Variants in HNF1B observed in about 807,000 individuals in gnomAD.
The protein encoded by HNF1B is hepatocyte nuclear factor 1-beta.
Under a neutral mutation model 61.7 loss-of-function variants are expected in HNF1B, and 8 were observed. That is an observed-to-expected ratio of 0.13 (90% CI 0.08 to 0.23). The LOEUF is 0.23. Ranked by LOEUF, HNF1B falls within the 10% of genes least tolerant of loss-of-function variation. The pLI is 1.00. For synonymous variants in HNF1B, 314 were observed against 287.7 expected (o/e 1.09, Z -0.93); for missense variants, 562 against 714.5 (o/e 0.79, Z 2.43).
intron 8 of HNF1B, among the ~76,000 whole-genome samples, chr17:37,689,677 A>G (rs1191274086): frequency 6.6e-6 from 1 of 152,238 alleles, no homozygotes; most frequent in Non-Finnish European, 1.5e-5. Flanking sequence ...TCCGTCTGAA[A>G]GGTGTGGTAG....
At chr17:37,723,280 G>A (rs570724265) in intron 4 of HNF1B, among the ~76,000 whole-genome samples, 1 of 151,996 alleles carries the variant, frequency 6.6e-6, no homozygotes, top group Non-Finnish European at 1.5e-5. Context: ...CCGGGAGGCG[G>A]AGCTTGCAGT....
intron 5 of HNF1B, among the ~76,000 whole-genome samples, chr17:37,708,445 A>G (rs1211939159): frequency 6.6e-6 from 1 of 152,208 alleles, no homozygotes; most frequent in Admixed American, 6.5e-5. Flanking sequence ...GCGTGTCCAC[A>G]GGCTGCATTT....
At chr17:37,742,127 G>A (rs979751413) in intron 1 of HNF1B, among the ~76,000 whole-genome samples, 6 of 152,222 alleles carry the variant, frequency 3.9e-5, no homozygotes, top group Non-Finnish European at 8.8e-5. Flanking sequence ...GCGCCCGCAG[G>A]GTCCGTCCCG....
chr17:37,738,151 GTTGC>G (rs970511967), intron 2 of HNF1B, among the ~76,000 whole-genome samples: 5 of 152,220 alleles, frequency 3.3e-5, no homozygotes, highest in African/African-American at 1.2e-4. Flanking sequence ...ACTACAGAGA[GTTGC>G]TTCATGTCAG....
At chr17:37,689,438 A>G (rs1416521425) in intron 8 of HNF1B, among the ~76,000 whole-genome samples, 1 of 152,252 alleles carries the variant, frequency 6.6e-6, no homozygotes, top group African/African-American at 2.4e-5. Flanking sequence ...GTGAGATTCT[A>G]TGGCCTGTCA....
chr17:37,722,012 A>G (rs530456185), intron 4 of HNF1B, among the ~76,000 whole-genome samples: 153 of 152,126 alleles, frequency 1.0e-3, no homozygotes, highest in Non-Finnish European at 1.6e-3. Flanking sequence ...TCATCTCTCA[A>G]TTCTGACTCC....
At chr17:37,741,090 G>T (rs2033978542) in intron 1 of HNF1B, among the ~76,000 whole-genome samples, 1 of 151,092 alleles carries the variant, frequency 6.6e-6, no homozygotes, top group Non-Finnish European at 1.5e-5. Flanking sequence ...GATAGAACAA[G>T]AAAAAAAACG....
intron 4 of HNF1B, among the ~76,000 whole-genome samples, chr17:37,727,463 G>A (rs1018042588): frequency 4.6e-5 from 7 of 152,190 alleles, no homozygotes; most frequent in Admixed American, 6.5e-5. Context: ...GCCCAGCAGC[G>A]GCAGCCAGGC....
chr17:37,723,404 C>T (rs1288560560), intron 4 of HNF1B, among the ~76,000 whole-genome samples: 1 of 152,086 alleles, frequency 6.6e-6, no homozygotes, highest in Non-Finnish European at 1.5e-5. Context: ...ACAGGAAATT[C>T]ATGGTCATCT....
At chr17:37,712,187 T>C (rs1012343326) in intron 4 of HNF1B, among the ~76,000 whole-genome samples, 1 of 152,242 alleles carries the variant, frequency 6.6e-6, no homozygotes, top group African/African-American at 2.4e-5. Flanking sequence ...AGCTTTTCTA[T>C]TGGCCATTTT....
chr17:37,715,565 T>A (rs796452634), intron 4 of HNF1B, among the ~76,000 whole-genome samples: 38 of 152,304 alleles, frequency 2.5e-4, no homozygotes, highest in African/African-American at 8.9e-4. Context: ...TGCTCCTGTG[T>A]GTACATATGC....
intron 6 of HNF1B, among the ~76,000 whole-genome samples, chr17:37,703,161 T>C (rs1477545329): frequency 3.9e-5 from 6 of 152,182 alleles, no homozygotes; most frequent in Non-Finnish European, 8.8e-5. Context: ...TAACACTCCA[T>C]AGTGTAGGAC....
Position 37,701,005 on chromosome 17 carries a change from C to T in HNF1B, c.1512G>A (p.Val504=), listed in dbSNP as rs544838322. The change falls in exon 7 of 9, where the codon GTG becomes GTA. Residue 504 remains valine (V), a synonymous_variant. Coordinates refer to ENST00000617811, the MANE Select transcript of HNF1B (RefSeq NM_000458.4). ...HMAQQPFMAA[V]TQLQNSHMYA... is the part of the protein sequence containing the mutation. ...TACTGTGTGAGTTCTGCAGCTGAGTCACAGCTGCCATGAAGGGCTGCTGGG... is the reference window on the plus strand; with the variant it reads ...TACTGTGTGAGTTCTGCAGCTGAGTTACAGCTGCCATGAAGGGCTGCTGGG... 4 of 1,557,318 alleles carry T rather than the reference C, an allele frequency of 2.6e-6. No individual in the cohort carries two copies. Among genetic ancestry groups the T allele is most frequent in the African/African-American group, 2.7e-5 (2 of 73,688 alleles).
At chr17:37,721,381 T>A (rs2033309334) in intron 4 of HNF1B, among the ~76,000 whole-genome samples, 1 of 152,042 alleles carries the variant, frequency 6.6e-6, no homozygotes, top group South Asian at 2.1e-4. Context: ...AATACCACAA[T>A]GGCAAGCCTC....
At chr17:37,722,899 C>T (rs2033363097) in intron 4 of HNF1B, among the ~76,000 whole-genome samples, 1 of 152,080 alleles carries the variant, frequency 6.6e-6, no homozygotes, top group African/African-American at 2.4e-5. Context: ...TTCTTAAATG[C>T]TCCTTCGCCT....
chr17:37,703,751 G>A (rs1466176918), intron 6 of HNF1B, among the ~76,000 whole-genome samples: 1 of 152,128 alleles, frequency 6.6e-6, no homozygotes, highest in African/African-American at 2.4e-5. Context: ...CAATTTCCAA[G>A]CAGCTAAGGA....
intron 4 of HNF1B, among the ~76,000 whole-genome samples, chr17:37,713,792 G>A (rs1158309190): frequency 6.6e-6 from 1 of 152,210 alleles, no homozygotes; most frequent in East Asian, 1.9e-4. Context: ...CCACCTGCAG[G>A]TGTTCCCACG....
chr17:37,744,771 G>A lies in HNF1B; in HGVS notation c.114C>T (p.Asn38=). ...GCAGCGTCTCCAGCTTCACCCCGAAGTTCGGGGATGGCAGCAACTCCTCCA... is the reference window on the plus strand; with the variant it reads ...GCAGCGTCTCCAGCTTCACCCCGAAATTCGGGGATGGCAGCAACTCCTCCA... ...QALEELLPSP[N]FGVKLETLPL... Residue 38 remains asparagine (N), a synonymous_variant, in exon 1 of 9, where the codon AAC becomes AAT. Transcript: ENST00000617811. The A allele has an allele frequency of 8.7e-6, 14 of 1,613,620 alleles. No homozygotes were observed. The highest frequency in any genetic ancestry group is 1.2e-5 in the Non-Finnish European group (14 of 1,180,034).
rs1411125492 is a variant in HNF1B at position 37,701,145 on chromosome 17, C to A, written c.1372G>T (p.Val458Phe). The A allele has an allele frequency of 1.3e-6, 2 of 1,551,690 alleles. No individual in the cohort carries two copies. Among genetic ancestry groups the A allele is most frequent in the Admixed American group, 3.9e-5 (2 of 51,066 alleles). Reference protein sequence around the residue: ...LNTSQAQSVPVINSVAGSLAA... With the variant: ...LNTSQAQSVPFINSVAGSLAA... ...AGGCTGCCGGCCACACTGTTGATGACAGGGACACTCTGTGCTTGGGAGGTG... is the reference window on the plus strand; with the variant it reads ...AGGCTGCCGGCCACACTGTTGATGAAAGGGACACTCTGTGCTTGGGAGGTG... The change falls in exon 7 of 9, where the codon GTC becomes TTC. Residue 458 changes from valine to phenylalanine, a missense_variant. This residue lies in a region of HNF1B where 211 missense variants were observed against 200.7 expected (regional missense o/e 1.05). Transcript: ENST00000617811.
Sources: gnomAD v4.1 joint callset for allele counts (sites outside exome capture counted in the v4.1 genomes callset) on GRCh38, gnomAD v4.1.1 for gene constraint, gnomAD v4.1.1 regional missense constraint, MANE v1.5 for transcripts, NCBI Gene and HGNC (gene_info 2026-07-23, HGNC 2026-07-21) for gene names.